TPRG1: variants seen among roughly 807,000 people sequenced by gnomAD.
TPRG1 encodes tumor protein p63 regulated 1.
Under a neutral mutation model 29.3 loss-of-function variants are expected in TPRG1, and 29 were observed. The observed-to-expected ratio is 0.99, with a 90% CI of 0.74 to 1.35. The LOEUF (loss-of-function observed/expected upper bound fraction) is 1.35. TPRG1 is among the 40% of genes most tolerant of loss of function. The probability of loss-of-function intolerance (pLI) is 0.00; values close to 1 mark genes in which losing one functional copy is unlikely to be tolerated. For missense variants in TPRG1, 327 were observed against 335.0 expected (o/e 0.98, Z 0.19); for synonymous variants, 130 against 116.8 (o/e 1.11, Z -0.73).
chr3:189,302,274 A>G (rs185197658), intron 4 of TPRG1, among the ~76,000 whole-genome samples: 1 of 152,328 alleles, frequency 6.6e-6, no homozygotes, highest in East Asian at 1.9e-4. Flanking sequence ...GTAAAGACGT[A>G]TTGAATGAAT....
At chr3:189,235,781 C>T (rs947551862) in intron 3 of TPRG1, among the ~76,000 whole-genome samples, 3 of 152,092 alleles carry the variant, frequency 2.0e-5, no homozygotes, top group Non-Finnish European at 4.4e-5. Flanking sequence ...GTACCTGTGT[C>T]GAGTCCCTGC....
chr3:189,031,219 A>T (rs1489986472), intron 4 of TPRG1, among the ~76,000 whole-genome samples: 2 of 151,758 alleles, frequency 1.3e-5, no homozygotes, highest in African/African-American at 4.8e-5. Context: ...TGAACCTGGG[A>T]GATGGAGGTT....
At chr3:189,209,950 G>A (rs906842964) in intron 2 of TPRG1, among the ~76,000 whole-genome samples, 2 of 151,428 alleles carry the variant, frequency 1.3e-5, no homozygotes, top group Non-Finnish European at 2.9e-5. Flanking sequence ...TTATTGCCAT[G>A]TGAGTAAAAT....
At chr3:189,312,640 T>C (rs1191137709) in intron 5 of TPRG1, among the ~76,000 whole-genome samples, 1 of 152,192 alleles carries the variant, frequency 6.6e-6, no homozygotes, top group East Asian at 1.9e-4. Context: ...GAACAAGTTT[T>C]ATAAACTGCA....
chr3:189,055,820 A>G (rs1379263785), intron 4 of TPRG1, among the ~76,000 whole-genome samples: 2 of 152,128 alleles, frequency 1.3e-5, no homozygotes, highest in African/African-American at 2.4e-5. Context: ...TTCCAGGCAT[A>G]GAGGGTAGAG....
intron 4 of TPRG1, among the ~76,000 whole-genome samples, chr3:189,239,812 C>T (rs149636973): frequency 2.0e-5 from 3 of 152,298 alleles, no homozygotes; most frequent in African/African-American, 4.8e-5. Context: ...GGTGTGTCAA[C>T]TGTTTCACAG....
intron 2 of TPRG1, among the ~76,000 whole-genome samples, chr3:189,208,570 G>C (rs138153217): frequency 2.0e-5 from 3 of 152,110 alleles, no homozygotes; most frequent in African/African-American, 7.2e-5. Flanking sequence ...GCAACTTAAC[G>C]AGTGTGTGTG....
intron 1 of TPRG1, among the ~76,000 whole-genome samples, chr3:189,205,528 A>T (rs1734192615): frequency 6.6e-6 from 1 of 152,250 alleles, no homozygotes; most frequent in Admixed American, 6.5e-5. Flanking sequence ...CAATTTCAAA[A>T]GCGGAAGCTT....
chr3:189,085,557 A>C (rs1241252465), intron 4 of TPRG1, among the ~76,000 whole-genome samples: 2 of 151,966 alleles, frequency 1.3e-5, no homozygotes, highest in Non-Finnish European at 2.9e-5. Context: ...TGTCTGGTTC[A>C]TTCTTTCCTG....
chr3:189,168,797 C>A (rs1309526846), upstream of TPRG1, among the ~76,000 whole-genome samples: 2 of 152,168 alleles, frequency 1.3e-5, no homozygotes, highest in Non-Finnish European at 1.5e-5. Context: ...ATATGGGATT[C>A]TTGTAGACAG....
intron 3 of TPRG1, among the ~76,000 whole-genome samples, chr3:189,006,469 T>G (rs980664096): frequency 1.6e-4 from 25 of 152,012 alleles, no homozygotes; most frequent in Non-Finnish European, 2.9e-4. Context: ...TAATAAACAT[T>G]TGTGGATATA....
At chr3:189,181,360 A>G (rs1730195562) in intron 1 of TPRG1, among the ~76,000 whole-genome samples, 1 of 152,156 alleles carries the variant, frequency 6.6e-6, no homozygotes, top group African/African-American at 2.4e-5. Context: ...AAATTTCCCA[A>G]ACTTTTATGT....
At chr3:189,190,124 C>T (rs1731483279) in intron 1 of TPRG1, among the ~76,000 whole-genome samples, 1 of 152,218 alleles carries the variant, frequency 6.6e-6, no homozygotes. Flanking sequence ...AACACTAATG[C>T]TGTGAACTAA....
At chr3:189,213,324 A>G (rs1360320867) in intron 2 of TPRG1, among the ~76,000 whole-genome samples, 1 of 152,222 alleles carries the variant, frequency 6.6e-6, no homozygotes, top group Non-Finnish European at 1.5e-5. Context: ...GCTGAGATTT[A>G]CACCTTGATG....
chr3:189,038,794 C>CA (rs59131158), intron 4 of TPRG1, among the ~76,000 whole-genome samples: 1,619 of 129,752 alleles, frequency 0.012, 28 homozygotes, highest in African/African-American at 0.043. Flanking sequence ...GAGTAATTGG[C>CA]AAAAAAAAAA....
chr3:189,119,867 C>A (rs1477188315), intron 1 of TPRG1, among the ~76,000 whole-genome samples: 1 of 152,172 alleles, frequency 6.6e-6, no homozygotes, highest in African/African-American at 2.4e-5. Flanking sequence ...CAGACTAATA[C>A]ACGCAGGTTC....
intron 1 of TPRG1, among the ~76,000 whole-genome samples, chr3:189,102,770 T>A (rs547957301): frequency 3.9e-5 from 6 of 152,342 alleles, no homozygotes; most frequent in East Asian, 3.9e-4. Context: ...TTAATTTTTT[T>A]AAAACTTTAT....
intron 4 of TPRG1, among the ~76,000 whole-genome samples, chr3:189,038,590 A>G (rs750071564): frequency 1.3e-5 from 2 of 152,098 alleles, no homozygotes; most frequent in Non-Finnish European, 2.9e-5. Flanking sequence ...TACTCCCAAA[A>G]TTAAAAGTAT....
chr3:189,212,981 C>T (rs1156772331), intron 2 of TPRG1, among the ~76,000 whole-genome samples: 1 of 152,104 alleles, frequency 6.6e-6, no homozygotes, highest in African/African-American at 2.4e-5. Context: ...GACAATATTG[C>T]CTGTTACGCT....
Sources: allele counts gnomAD v4.1 joint callset (sites outside exome capture counted in the v4.1 genomes callset), GRCh38; gene constraint gnomAD v4.1.1; transcripts MANE v1.5; gene names NCBI Gene and HGNC (gene_info 2026-07-23, HGNC 2026-07-21).